ELP4: variants seen among roughly 807,000 people sequenced by gnomAD.
The protein encoded by ELP4 is elongator acetyltransferase complex subunit 4, also known as elongator complex protein 4.
In ELP4, 51 loss-of-function variants were observed where a neutral mutation model predicts 48.9. The observed-to-expected ratio is 1.04, with a 90% CI of 0.83 to 1.32. The LOEUF is 1.32. ELP4 is among the 40% of genes most tolerant of loss of function. ELP4 has a pLI of 0.00. For missense variants in ELP4, 519 were observed against 514.6 expected (o/e 1.01, Z -0.08); for synonymous variants, 210 against 189.2 (o/e 1.11, Z -0.90).
chr11:31,762,319 G>A (rs935556583), intron 9 of ELP4, among the ~76,000 whole-genome samples: 4 of 152,084 alleles, frequency 2.6e-5, no homozygotes, highest in Non-Finnish European at 1.5e-5. Flanking sequence ...TCACAACAAA[G>A]TTTATTTAAA....
At chr11:31,694,657 G>A (rs868401462) in intron 9 of ELP4, among the ~76,000 whole-genome samples, 1 of 152,082 alleles carries the variant, frequency 6.6e-6, no homozygotes, top group Admixed American at 6.6e-5. Context: ...CTCTTTTTTG[G>A]TTCCATATGA....
At chr11:31,628,732 A>G (rs1296241741) in intron 6 of ELP4, among the ~76,000 whole-genome samples, 2 of 152,030 alleles carry the variant, frequency 1.3e-5, no homozygotes, top group Non-Finnish European at 2.9e-5. Context: ...AAATATACCA[A>G]TACGTTATTA....
intron 3 of ELP4, chr11:31,541,450 A>T (rs986294101): frequency 6.6e-6 from 1 of 152,154 alleles, no homozygotes; most frequent in African/African-American, 2.4e-5. Flanking sequence ...TGCTAGGAGC[A>T]GTGGAGTAAA....
chr11:31,639,238 T>G (rs1358574625), intron 7 of ELP4, among the ~76,000 whole-genome samples: 5 of 151,908 alleles, frequency 3.3e-5, no homozygotes, highest in Non-Finnish European at 7.4e-5. Flanking sequence ...TGAAATTGAT[T>G]ATAAGAAATT....
At chr11:31,702,309 T>A (rs1030712372) in intron 9 of ELP4, among the ~76,000 whole-genome samples, 1 of 64,552 alleles carries the variant, frequency 1.5e-5, no homozygotes, top group Admixed American at 2.3e-4. Flanking sequence ...TCTCTAAAAA[T>A]AATAATAATA....
chr11:31,682,775 A>T (rs1946080205), intron 9 of ELP4, among the ~76,000 whole-genome samples: 1 of 152,244 alleles, frequency 6.6e-6, no homozygotes, highest in African/African-American at 2.4e-5. Context: ...AAAATACTGT[A>T]CAAAGACTAA....
chr11:31,513,173 A>G (rs1189083660), intron 1 of ELP4, among the ~76,000 whole-genome samples: 1 of 152,132 alleles, frequency 6.6e-6, no homozygotes, highest in African/African-American at 2.4e-5. Context: ...ATGATATTTT[A>G]CCAACCAATA....
chr11:31,572,618 A>G (rs1957207824), intron 3 of ELP4, among the ~76,000 whole-genome samples: 1 of 152,162 alleles, frequency 6.6e-6, no homozygotes, highest in Admixed American at 6.6e-5. Flanking sequence ...CTATCTGTCT[A>G]TCTAAGATGT....
At chr11:31,591,457 T>C (rs1477013411) in intron 3 of ELP4, among the ~76,000 whole-genome samples, 1 of 149,096 alleles carries the variant, frequency 6.7e-6, no homozygotes, top group Non-Finnish European at 1.5e-5. Context: ...GATAGACATA[T>C]TTCTAAAGAA....
Position 31,771,840 on chromosome 11 carries a change from G to C in ELP4, c.1144-11553G>C, listed in dbSNP as rs145653210. 7.6e-4 allele frequency among the ~76,000 whole-genome samples: 116 copies of C among 152,248 alleles called. 1 individual carries two copies. Among genetic ancestry groups the C allele is most frequent in the Middle Eastern group, 6.8e-3 (2 of 294 alleles). ...TAAAGATACAAAAATTTAGCCGGGC[G>C]TGGTGGCGGCAGGCACCTGTAGTCC... On this transcript the variant is annotated intron_variant, in intron 9 of 9. Transcript: ENST00000640961.
At chr11:31,718,821 C>T (rs1565125490) in intron 9 of ELP4, among the ~76,000 whole-genome samples, 1 of 152,206 alleles carries the variant, frequency 6.6e-6, no homozygotes, top group Non-Finnish European at 1.5e-5. Flanking sequence ...AAAGCTATCA[C>T]ATCTGCCGTA....
rs1948591787 is a variant in ELP4 at position 31,786,014 on chromosome 11, G to C, written c.*2490G>C. ...CTAGATTTGCCTTTCTTTAACATGA[G>C]ATAAATATTTTGACTACTGCAGTTT... On this transcript the variant is annotated 3_prime_UTR_variant, in exon 10 of 10. Transcript: ENST00000640961. 1 of 202,802 alleles carries C rather than the reference G, an allele frequency of 4.9e-6. No homozygotes were observed. The allele number at this position is 202,802 out of a possible 1,614,324, so 12.6% of individuals were successfully genotyped here.
At chr11:31,535,144 T>C (rs1592091764) in intron 2 of ELP4, among the ~76,000 whole-genome samples, 1 of 152,198 alleles carries the variant, frequency 6.6e-6, no homozygotes, top group Non-Finnish European at 1.5e-5. Context: ...ACTAGCTATG[T>C]GTTTTAATAT....
intron 3 of ELP4, among the ~76,000 whole-genome samples, chr11:31,564,621 A>G (rs927102298): frequency 1.2e-4 from 18 of 152,048 alleles, no homozygotes; most frequent in Non-Finnish European, 8.8e-5. Context: ...GAGTGAGAAA[A>G]TGCGGTGTTT....
chr11:31,707,776 T>G (rs1946663673), intron 9 of ELP4, among the ~76,000 whole-genome samples: 1 of 152,176 alleles, frequency 6.6e-6, no homozygotes, highest in African/African-American at 2.4e-5. Flanking sequence ...AGAATCCATT[T>G]TCCAGTTCTG....
At position 31,594,796 on chromosome 11, in the gene ELP4, T is replaced by C. The variant is rs1957644959; in HGVS notation, c.408T>C (p.Asp136=). 1 of 1,528,814 alleles carries C rather than the reference T, an allele frequency of 6.5e-7. No homozygotes were observed. The highest frequency in any genetic ancestry group is 1.4e-5 in the South Asian group (1 of 73,962). The allele number at this position is 1,528,814 out of a possible 1,614,324, so 94.7% of individuals were successfully genotyped here. A position where few individuals can be genotyped will look rare whatever the true frequency, so the allele number is the denominator to read the frequency against. The change falls in exon 4 of 10, where the codon GAT becomes GAC. Residue 136 remains aspartate (D), a synonymous_variant. Transcript: ENST00000640961. ...AACTTCCAGCACCATTACTTGATGA[T>C]AAATGTAAAAAGGAATTTGATGAAG... The part of the protein sequence containing the change: ...LQELPAPLLD[D]KCKKEFDEDV...
At chr11:31,695,883 G>C (rs1365500864) in intron 9 of ELP4, among the ~76,000 whole-genome samples, 3 of 150,642 alleles carry the variant, frequency 2.0e-5, no homozygotes, top group African/African-American at 7.3e-5. Context: ...ACTTCTTCTT[G>C]GTTTAGTCTT....
At chr11:31,714,809 GT>G (rs375575039) in intron 9 of ELP4, 2 of 398,074 alleles carry the variant, frequency 5.0e-6, no homozygotes, top group Non-Finnish European at 8.9e-6. Flanking sequence ...CAACTCTCTG[GT>G]TTTTTTTCTG....
rs375500865 is a variant in ELP4 at position 31,641,558 on chromosome 11, G to A, written c.928-6183G>A. 2.0e-3 allele frequency among the ~76,000 whole-genome samples: 298 copies of A among 151,874 alleles called. 1 individual carries two copies. The highest frequency in any genetic ancestry group is 6.7e-3 in the African/African-American group (279 of 41,478). ...TAAGACACCCTGAGTTTGAAAATGC[G>A]CAGACTGAAAGGGGGGCACCTTACA... On this transcript the variant is annotated intron_variant, in intron 7 of 9. Transcript: ENST00000640961.
Sources: gnomAD v4.1 joint callset for allele counts (sites outside exome capture counted in the v4.1 genomes callset) on GRCh38, gnomAD v4.1.1 for gene constraint, MANE v1.5 for transcripts, NCBI Gene and HGNC (gene_info 2026-07-23, HGNC 2026-07-21) for gene names.